UBL3: variants seen among roughly 807,000 people sequenced by gnomAD.
UBL3 encodes the protein ubiquitin-like protein 3.
Under a neutral mutation model 18.4 loss-of-function variants are expected in UBL3, and 6 were observed. The observed-to-expected ratio is 0.33, with a 90% CI of 0.18 to 0.64. UBL3 has a LOEUF of 0.64. Among genes scored for constraint, UBL3 ranks in the 30% least tolerant of loss-of-function variants. The pLI is 0.76. For synonymous variants in UBL3, 49 were observed against 46.6 expected, an observed-to-expected ratio of 1.05 and a Z score of -0.21; for missense variants, 109 against 142.9, an observed-to-expected ratio of 0.76 and a Z score of 1.21.
At chr13:29,776,947 A>G (rs943917874) in intron 2 of UBL3, among the ~76,000 whole-genome samples, 7 of 150,892 alleles carry the variant, frequency 4.6e-5, no homozygotes, top group African/African-American at 1.7e-4. Flanking sequence ...AAGCAGAGCC[A>G]TTGCATTCTG....
At chr13:29,824,435 T>C (rs1878562893) in intron 1 of UBL3, among the ~76,000 whole-genome samples, 1 of 152,236 alleles carries the variant, frequency 6.6e-6, no homozygotes, top group African/African-American at 2.4e-5. Flanking sequence ...ATTGTGGTTT[T>C]GATTTGCATT....
intron 1 of UBL3, among the ~76,000 whole-genome samples, chr13:29,808,767 T>C (rs1235213740): frequency 3.9e-5 from 6 of 152,162 alleles, no homozygotes; most frequent in Admixed American, 1.3e-4. Context: ...AATATGTATG[T>C]ATTTTCTAAG....
At chr13:29,838,405 T>A (rs1301019246) in intron 1 of UBL3, among the ~76,000 whole-genome samples, 1 of 152,132 alleles carries the variant, frequency 6.6e-6, no homozygotes, top group Non-Finnish European at 1.5e-5. Context: ...CAAAGTGAAA[T>A]GAGCAATGAT....
At chr13:29,846,811 C>T (rs1281786792) in intron 1 of UBL3, among the ~76,000 whole-genome samples, 2 of 152,240 alleles carry the variant, frequency 1.3e-5, no homozygotes, top group Admixed American at 1.3e-4. Flanking sequence ...AAAAGTGTAA[C>T]ATTTGTTTCA....
At position 29,795,034 on chromosome 13, in the gene UBL3, T is replaced by C. The variant is rs75474829; in HGVS notation, c.28-17771A>G. Among the ~76,000 whole-genome samples, 1,207 of 152,354 alleles carry C rather than the reference T, an allele frequency of 7.9e-3. 17 individuals are homozygous for C. Among genetic ancestry groups the C allele is most frequent in the African/African-American group, 0.028 (1,145 of 41,580 alleles). On this transcript the variant is annotated intron_variant, in intron 1 of 4. Coordinates refer to ENST00000380680, the MANE Select transcript of UBL3 (RefSeq NM_007106.4). ...ACATTCTTATCTTGACACTCTTAAATGATAAGACAGCAAACATTCATTTCA... is the reference window on the plus strand; with the variant it reads ...ACATTCTTATCTTGACACTCTTAAACGATAAGACAGCAAACATTCATTTCA...
intron 1 of UBL3, chr13:29,779,328 T>C (rs1198590010): frequency 2.5e-6 from 1 of 396,862 alleles, no homozygotes; most frequent in Non-Finnish European, 4.9e-6. Flanking sequence ...TATTTAAGGT[T>C]CTTCAGTCAT....
At chr13:29,815,373 T>C (rs117878577) in intron 1 of UBL3, among the ~76,000 whole-genome samples, 3 of 152,240 alleles carry the variant, frequency 2.0e-5, no homozygotes, top group Non-Finnish European at 4.4e-5. Flanking sequence ...ATACCAAAAA[T>C]GATAAATACA....
chr13:29,830,942 C>A (rs1566000042), intron 1 of UBL3, among the ~76,000 whole-genome samples: 1 of 152,114 alleles, frequency 6.6e-6, no homozygotes, highest in African/African-American at 2.4e-5. Flanking sequence ...ATACAATATT[C>A]CTCACCTCCT....
rs1022781852 is a variant in UBL3 at position 29,842,052 on chromosome 13, T to C, written c.27+7460A>G. ...GACCCAATTACTAACCCACCTCCAG[T>C]TGATGTACGATAGCATTCAGTCCAG... On this transcript the variant is annotated intron_variant, in intron 1 of 4. Coordinates refer to ENST00000380680, the MANE Select transcript of UBL3 (RefSeq NM_007106.4). 6.6e-5 allele frequency among the ~76,000 whole-genome samples: 10 copies of C among 151,920 alleles called. No individual in the cohort carries two copies. The South Asian group carries it at 1.0e-3, about 16-fold the overall frequency.
chr13:29,780,158 T>C (rs1051107216), intron 1 of UBL3, among the ~76,000 whole-genome samples: 3 of 151,294 alleles, frequency 2.0e-5, no homozygotes, highest in African/African-American at 7.3e-5. Context: ...ATCGAGACCA[T>C]CCTGGCTAAC....
intron 1 of UBL3, among the ~76,000 whole-genome samples, chr13:29,799,828 T>C (rs537899569): frequency 2.0e-5 from 3 of 152,346 alleles, no homozygotes; most frequent in South Asian, 2.1e-4. Flanking sequence ...AAGCCTAGAA[T>C]AATACCATGC....
Position 29,767,165 on chromosome 13 carries a change from C to T in UBL3, c.*90G>A. 2.1e-6 allele frequency: 3 copies of T among 1,440,884 alleles called. No homozygotes were observed. In the South Asian group the frequency reaches 3.6e-5, roughly 17 times the overall value. The allele number at this position is 1,440,884 out of a possible 1,614,324, so 89.3% of individuals were successfully genotyped here. On this transcript the variant is annotated 3_prime_UTR_variant, in exon 5 of 5. Coordinates refer to ENST00000380680, the MANE Select transcript of UBL3 (RefSeq NM_007106.4). ...TCCATGTGTTTACAGGCAGACTGTT[C>T]TGAACGGTTTCTGAAGCAATGTCGG...
rs909063646 is a variant in UBL3 at position 29,843,790 on chromosome 13, G to A, written c.27+5722C>T. ...GCTTTCAAAATGTTCTCCATAACAT[G>A]TTTCTTTTGAAAAGCAGGTACTTTC... On this transcript the variant is annotated intron_variant, in intron 1 of 4. Coordinates refer to ENST00000380680, the MANE Select transcript of UBL3 (RefSeq NM_007106.4). Among the ~76,000 whole-genome samples the A allele has an allele frequency of 1.0e-3, 159 of 152,280 alleles. 4 individuals carry two copies. Among genetic ancestry groups the A allele is most frequent in the Non-Finnish European group, 2.9e-4 (20 of 68,014 alleles).
At chr13:29,823,968 T>C (rs1017359928) in intron 1 of UBL3, among the ~76,000 whole-genome samples, 4 of 151,870 alleles carry the variant, frequency 2.6e-5, no homozygotes, top group African/African-American at 9.7e-5. Context: ...TTTGGTTTTC[T>C]GTCCTTGCGA....
chr13:29,780,971 C>T (rs532956209), intron 1 of UBL3, among the ~76,000 whole-genome samples: 4 of 152,190 alleles, frequency 2.6e-5, no homozygotes, highest in East Asian at 3.9e-4. Context: ...GTCAGGAGTT[C>T]GAGACCAGCC....
chr13:29,828,747 C>T (rs73157162), intron 1 of UBL3, among the ~76,000 whole-genome samples: 6 of 152,320 alleles, frequency 3.9e-5, no homozygotes, highest in South Asian at 2.1e-4. Context: ...GGGAAACAGG[C>T]GCTCTGATTT....
intron 1 of UBL3, among the ~76,000 whole-genome samples, chr13:29,790,380 T>C (rs570792374): frequency 1.9e-4 from 29 of 152,330 alleles, no homozygotes; most frequent in African/African-American, 6.7e-4. Context: ...GAAGCCATGC[T>C]ACTGAACTGT....
chr13:29,837,973 T>C (rs188134603), intron 1 of UBL3, among the ~76,000 whole-genome samples: 18 of 147,210 alleles, frequency 1.2e-4, no homozygotes, highest in Admixed American at 2.7e-4. Context: ...TGACAAAAGA[T>C]AGTAAGCCAA....
rs74044751 is a variant in UBL3 at position 29,813,085 on chromosome 13, T to C, written c.28-35822A>G. On this transcript the variant is annotated intron_variant, in intron 1 of 4. Coordinates refer to ENST00000380680, the MANE Select transcript of UBL3 (RefSeq NM_007106.4). ...CATTTACTTGGAGAGAACTAGTCAA[T>C]GTCTCCTTTATAAGGGCCTATGTAA... Among the ~76,000 whole-genome samples, 350 of 152,194 alleles carry C rather than the reference T, an allele frequency of 2.3e-3. 3 individuals carry two copies. The highest frequency in any genetic ancestry group is 8.3e-3 in the African/African-American group (345 of 41,548).
Sources: gnomAD v4.1 joint callset for allele counts (sites outside exome capture counted in the v4.1 genomes callset) on GRCh38, gnomAD v4.1.1 for gene constraint, MANE v1.5 for transcripts, NCBI Gene and HGNC (gene_info 2026-07-23, HGNC 2026-07-21) for gene names.